The following GULP1 variants were observed in gnomAD, a reference collection of about 807,000 sequenced individuals.
The protein encoded by GULP1 is GULP PTB domain containing engulfment adaptor 1.
A neutral mutation model predicts 40.9 loss-of-function variants in GULP1; 19 were observed. The ratio of observed to expected loss-of-function variants is 0.46; its 90% CI spans 0.32 to 0.68. The LOEUF (loss-of-function observed/expected upper bound fraction) is 0.68. Among genes scored for constraint, GULP1 ranks in the 30% least tolerant of loss-of-function variants. GULP1 has a pLI of 0.03. For synonymous variants in GULP1, 119 were observed against 117.6 expected (o/e 1.01, Z -0.08); for missense variants, 312 against 362.2 (o/e 0.86, Z 1.12).
intron 1 of GULP1, chr2:188,297,577 TG>T: frequency 2.3e-6 from 1 of 428,454 alleles, no homozygotes; most frequent in Admixed American, 3.6e-5. Flanking sequence ...TTGAAGTTCC[TG>T]GGGGAACCAT....
intron 2 of GULP1, among the ~76,000 whole-genome samples, chr2:188,398,360 T>C (rs572947792): frequency 2.4e-4 from 36 of 152,354 alleles, no homozygotes; most frequent in East Asian, 7.7e-4. Context: ...AATAAAGTTA[T>C]TGAAGAAATT....
chr2:188,373,117 T>A (rs565441524), intron 1 of GULP1, among the ~76,000 whole-genome samples: 1 of 151,948 alleles, frequency 6.6e-6, no homozygotes, highest in South Asian at 2.1e-4. Flanking sequence ...GCATGGCCTC[T>A]TTCTTAAGTA....
At chr2:188,348,696 A>T (rs1438079396) in intron 1 of GULP1, among the ~76,000 whole-genome samples, 1 of 152,208 alleles carries the variant, frequency 6.6e-6, no homozygotes, top group Non-Finnish European at 1.5e-5. Flanking sequence ...TCAAAAATAC[A>T]AGAGAAGTCC....
intron 7 of GULP1, among the ~76,000 whole-genome samples, chr2:188,543,429 C>A (rs4667232): frequency 0.97 from 148,357 of 152,192 alleles, 72,437 homozygotes; most frequent in East Asian, 1. Context: ...CATCACCTTC[C>A]TGTGCTGAAA....
intron 2 of GULP1, among the ~76,000 whole-genome samples, chr2:188,451,365 AG>A (rs888655065): frequency 2.0e-5 from 3 of 151,728 alleles, no homozygotes; most frequent in Non-Finnish European, 4.4e-5. Context: ...GAATGTTAAT[AG>A]GAAAAAAAAA....
At chr2:188,558,902 C>T (rs1235017780) in intron 7 of GULP1, among the ~76,000 whole-genome samples, 4 of 152,164 alleles carry the variant, frequency 2.6e-5, no homozygotes, top group Non-Finnish European at 5.9e-5. Flanking sequence ...AGCACCAAAG[C>T]ATTCAAGAAG....
intron 9 of GULP1, among the ~76,000 whole-genome samples, chr2:188,577,997 T>G (rs1700503962): frequency 6.6e-6 from 1 of 151,882 alleles, no homozygotes; most frequent in Admixed American, 6.6e-5. Flanking sequence ...GTAAGGGAAT[T>G]TATTTCTTAA....
At chr2:188,387,512 TA>T (rs2049941172) in intron 2 of GULP1, among the ~76,000 whole-genome samples, 1 of 152,172 alleles carries the variant, frequency 6.6e-6, no homozygotes, top group Non-Finnish European at 1.5e-5. Flanking sequence ...TAGGCTGTAT[TA>T]AGTGACAAGA....
At chr2:188,588,237 TC>T in intron 11 of GULP1, 1 of 368,096 alleles carries the variant, frequency 2.7e-6, no homozygotes, top group African/African-American at 2.1e-5. Context: ...TGTTCTGAAA[TC>T]TAGAGTTAAA....
At chr2:188,534,849 T>C (rs1275806968) in intron 6 of GULP1, among the ~76,000 whole-genome samples, 1 of 152,032 alleles carries the variant, frequency 6.6e-6, no homozygotes. Flanking sequence ...TCTCCCAACC[T>C]AAACCTCCTT....
chr2:188,403,039 C>G lies in GULP1; in HGVS notation c.-45+19150C>G, dbSNP rs559311039. Among the ~76,000 whole-genome samples, 11 of 152,254 alleles carry G rather than the reference C, an allele frequency of 7.2e-5. No homozygotes were observed. In the South Asian group the frequency reaches 2.3e-3, roughly 32 times the overall value. ...CATGCTACTGCTTGTAGAAGGCATA[C>G]ATTAACATGAGAGAAAGTATATCAA... is the stretch of plus-strand genomic sequence containing the variant. On this transcript the variant is annotated intron_variant, in intron 2 of 11. Transcript: ENST00000409830.
At chr2:188,429,713 G>GT (rs1285532269) in intron 2 of GULP1, among the ~76,000 whole-genome samples, 156 of 146,110 alleles carry the variant, frequency 1.1e-3, no homozygotes, top group Middle Eastern at 0.01. Context: ...TATTTTTGTT[G>GT]TTTTTTTTTT....
chr2:188,499,716 CT>C, intron 4 of GULP1, among the ~76,000 whole-genome samples: 1 of 151,684 alleles, frequency 6.6e-6, no homozygotes. Flanking sequence ...TAATGTTTTT[CT>C]TTTTTACTCT....
At chr2:188,422,310 A>G (rs185214362) in intron 2 of GULP1, among the ~76,000 whole-genome samples, 1 of 151,672 alleles carries the variant, frequency 6.6e-6, no homozygotes, top group African/African-American at 2.4e-5. Flanking sequence ...AACTTTATAA[A>G]TTTTGATGTA....
intron 1 of GULP1, among the ~76,000 whole-genome samples, chr2:188,302,573 AT>A (rs2036318630): frequency 6.6e-6 from 1 of 152,190 alleles, no homozygotes; most frequent in African/African-American, 2.4e-5. Context: ...ATGGTAAACT[AT>A]AGTTCCACTC....
At chr2:188,422,881 A>C (rs558660416) in intron 2 of GULP1, among the ~76,000 whole-genome samples, 1 of 152,100 alleles carries the variant, frequency 6.6e-6, no homozygotes, top group African/African-American at 2.4e-5. Context: ...TGTGCTAATT[A>C]GAGGCACCCT....
intron 1 of GULP1, among the ~76,000 whole-genome samples, chr2:188,360,167 C>A (rs1242653203): frequency 7.2e-5 from 11 of 152,058 alleles, no homozygotes; most frequent in Non-Finnish European, 1.0e-4. Flanking sequence ...CTACCTACTT[C>A]ATTCTTAGAT....
chr2:188,308,747 G>T (rs149824653), intron 1 of GULP1, among the ~76,000 whole-genome samples: 1 of 152,228 alleles, frequency 6.6e-6, no homozygotes, highest in Non-Finnish European at 1.5e-5. Context: ...GCTAGTAAAG[G>T]GTCTTGAGAA....
At chr2:188,322,376 C>G (rs2040116779) in intron 1 of GULP1, among the ~76,000 whole-genome samples, 1 of 151,818 alleles carries the variant, frequency 6.6e-6, no homozygotes, top group Non-Finnish European at 1.5e-5. Flanking sequence ...ACAATATAAC[C>G]TCGTTAGTTT....
Sources: allele counts gnomAD v4.1 joint callset (sites outside exome capture counted in the v4.1 genomes callset), GRCh38; gene constraint gnomAD v4.1.1; transcripts MANE v1.5; gene names NCBI Gene and HGNC (gene_info 2026-07-23, HGNC 2026-07-21).